SLC47A1: variants seen among roughly 807,000 people sequenced by gnomAD.
The protein encoded by SLC47A1 is multidrug and toxin extrusion protein 1.
In SLC47A1, 58 loss-of-function variants were observed where a neutral mutation model predicts 65.8. The observed-to-expected ratio is 0.88, with a 90% CI of 0.71 to 1.10. The LOEUF (loss-of-function observed/expected upper bound fraction) is 1.10. Ranked by LOEUF, SLC47A1 falls within the 50% of genes least tolerant of loss-of-function variation. The pLI, the probability that SLC47A1 is intolerant of heterozygous loss-of-function variation, is 0.00. For synonymous variants in SLC47A1, 285 were observed against 295.0 expected, an observed-to-expected ratio of 0.97 and a Z score of 0.35; for missense variants, 706 against 719.2, an observed-to-expected ratio of 0.98 and a Z score of 0.21.
chr17:19,568,282 G>T (rs921345184), intron 14 of SLC47A1, among the ~76,000 whole-genome samples: 9 of 152,172 alleles, frequency 5.9e-5, no homozygotes, highest in African/African-American at 2.2e-4. Context: ...GTTGTTCAAA[G>T]AATAGTATTG....
intron 15 of SLC47A1, among the ~76,000 whole-genome samples, chr17:19,572,555 C>T (rs1339424815): frequency 6.6e-6 from 1 of 152,022 alleles, no homozygotes; most frequent in Non-Finnish European, 1.5e-5. Flanking sequence ...TTCCTGGGCT[C>T]AAGCAATCCT....
chr17:19,540,789 GT>G (rs1301181012), intron 1 of SLC47A1, among the ~76,000 whole-genome samples: 3,070 of 152,184 alleles, frequency 0.02, 98 homozygotes, highest in African/African-American at 0.07. Flanking sequence ...TTCTGTGGTA[GT>G]GAGAGAAGTG....
chr17:19,538,995 T>C, intron 1 of SLC47A1, among the ~76,000 whole-genome samples: 1 of 151,734 alleles, frequency 6.6e-6, no homozygotes, highest in East Asian at 1.9e-4. Flanking sequence ...AATGCAGTGG[T>C]GAGCTGAGCT....
intron 5 of SLC47A1, among the ~76,000 whole-genome samples, chr17:19,550,159 T>TCACC (rs1916407452): frequency 6.6e-6 from 1 of 152,188 alleles, no homozygotes; most frequent in African/African-American, 2.4e-5. Flanking sequence ...TCTCATTCCA[T>TCACC]CACCCAGGCT....
rs761241769 is a variant in SLC47A1, at chr17:19,546,744, G to A, written c.306+241G>A. Among the ~76,000 whole-genome samples, 5 of 152,130 alleles carry A rather than the reference G, an allele frequency of 3.3e-5. 1 individual carries two copies. Among genetic ancestry groups the A allele is most frequent in the Admixed American group, 2.0e-4 (3 of 15,262 alleles). On this transcript the variant is annotated intron_variant, in intron 3 of 16. Transcript: ENST00000270570. ...ATTTTGATCAAATAGGGGACATTTT[G>A]TAAAATTCCCTTCTATTGCTCCCCA...
chr17:19,550,333 T>A (rs1916411814), intron 5 of SLC47A1, among the ~76,000 whole-genome samples: 1 of 149,650 alleles, frequency 6.7e-6, no homozygotes, highest in African/African-American at 2.4e-5. Flanking sequence ...TTTTTTTTTC[T>A]AAGATAGGGT....
intron 12 of SLC47A1, among the ~76,000 whole-genome samples, chr17:19,561,301 T>C (rs749815551): frequency 6.6e-6 from 1 of 151,662 alleles, no homozygotes; most frequent in Non-Finnish European, 1.5e-5. Context: ...GATGCTATCA[T>C]AGAGGCCACC....
chr17:19,577,766 A>T lies in SLC47A1; in HGVS notation c.*213A>T. ...CCCAAGACACTGTCTGAAAGATGAC[A>T]TGAGTAGTAATTCACCACTATCTGA... On this transcript the variant is annotated 3_prime_UTR_variant, in exon 17 of 17. Coordinates refer to ENST00000270570, the MANE Select transcript of SLC47A1 (RefSeq NM_018242.3). The T allele has an allele frequency of 7.2e-7, 1 of 1,385,470 alleles. No individual in the cohort carries two copies. Among genetic ancestry groups the T allele is most frequent in the Admixed American group, 3.0e-5 (1 of 33,356 alleles). The allele number at this position is 1,385,470 out of a possible 1,614,324, so 85.8% of individuals were successfully genotyped here.
chr17:19,543,494 A>T (rs1252845587), intron 2 of SLC47A1, among the ~76,000 whole-genome samples: 3 of 152,166 alleles, frequency 2.0e-5, no homozygotes, highest in Non-Finnish European at 4.4e-5. Context: ...AGGGGAGTTC[A>T]GTCTGACTTC....
chr17:19,551,380 G>A (rs1399947272), intron 5 of SLC47A1, 44 bp from the exon 6 acceptor site: 2 of 1,543,154 alleles, frequency 1.3e-6, no homozygotes, highest in Admixed American at 3.3e-5. Context: ...CTTCTGTGTG[G>A]CAAGGCTGAA....
Position 19,555,265 on chromosome 17 carries a change from C to A in SLC47A1, c.597C>A (p.Ala199=). Residue 199 remains alanine, a synonymous_variant, in exon 7 of 17, where the codon GCC becomes GCA. Coordinates refer to ENST00000270570, the MANE Select transcript of SLC47A1 (RefSeq NM_018242.3). ...VTGVAANLVN[A]LANYLFLHQL... The stretch of plus-strand genomic sequence containing the variant: ...GAGTTGCAGCCAACCTTGTCAATGC[C>A]CTCGCCAACTATCTGTTTCTCCATC... The A allele has an allele frequency of 6.2e-7, 1 of 1,614,176 alleles. No homozygotes were observed. Among genetic ancestry groups the A allele is most frequent in the South Asian group, 1.1e-5 (1 of 91,080 alleles).
intron 14 of SLC47A1, chr17:19,571,115 G>T (rs933490841): frequency 6.1e-6 from 1 of 162,968 alleles, no homozygotes; most frequent in Non-Finnish European, 1.3e-5. Flanking sequence ...AGGAAACCAG[G>T]GCAGAAGTAG....
chr17:19,544,684 G>A (rs954913060), intron 2 of SLC47A1, among the ~76,000 whole-genome samples: 1 of 152,238 alleles, frequency 6.6e-6, no homozygotes, highest in South Asian at 2.1e-4. Context: ...GGGTACGGAC[G>A]CAGGCCATGC....
At chr17:19,572,465 T>G (rs933953944) in intron 15 of SLC47A1, among the ~76,000 whole-genome samples, 4 of 151,998 alleles carry the variant, frequency 2.6e-5, no homozygotes, top group Non-Finnish European at 5.9e-5. Context: ...GGCTGTTTTT[T>G]TTGTTGTTGT....
chr17:19,557,498 A>G, intron 10 of SLC47A1: 1 of 476,990 alleles, frequency 2.1e-6, no homozygotes, highest in Non-Finnish European at 4.3e-6. Context: ...TTCAAGGAAC[A>G]TCCTAGGAAA....
At chr17:19,577,244 C>A in intron 16 of SLC47A1, 83 bp from the exon 17 acceptor site, 2 of 1,542,946 alleles carry the variant, frequency 1.3e-6, no homozygotes, top group Non-Finnish European at 8.8e-7. Context: ...CCACTATTAG[C>A]ACATATTCCT....
intron 6 of SLC47A1, among the ~76,000 whole-genome samples, chr17:19,552,643 G>A (rs1278944977): frequency 1.3e-5 from 2 of 152,212 alleles, no homozygotes; most frequent in African/African-American, 4.8e-5. Flanking sequence ...ACAGGGAAAG[G>A]CATGGAAGTA....
At chr17:19,546,579 C>T in intron 3 of SLC47A1, 76 bp downstream of exon 3, 1 of 1,416,758 alleles carries the variant, frequency 7.1e-7, no homozygotes, top group Non-Finnish European at 9.8e-7. Context: ...GCTCCACTGG[C>T]AGGAAGAGTT....
chr17:19,538,736 G>T (rs1189118516), intron 1 of SLC47A1, among the ~76,000 whole-genome samples: 1 of 152,222 alleles, frequency 6.6e-6, no homozygotes, highest in Non-Finnish European at 1.5e-5. Flanking sequence ...TGACCTCTCA[G>T]CTTCTTTCCA....
Sources: allele counts gnomAD v4.1 joint callset (sites outside exome capture counted in the v4.1 genomes callset), GRCh38; gene constraint gnomAD v4.1.1; transcripts MANE v1.5; gene names NCBI Gene and HGNC (gene_info 2026-07-23, HGNC 2026-07-21).